FTCD: variants seen among roughly 807,000 people sequenced by gnomAD.
FTCD encodes formimidoyltransferase-cyclodeaminase.
A neutral mutation model predicts 62.9 loss-of-function variants in FTCD; 76 were observed. The observed-to-expected ratio is 1.21, with a 90% CI of 1.00 to 1.46. FTCD has a LOEUF of 1.46. Ranked by LOEUF, FTCD falls within the 40% of genes most tolerant of loss-of-function variation. The pLI, the probability that FTCD is intolerant of heterozygous loss-of-function variation, is 0.00. For missense variants in FTCD, 845 were observed against 751.3 expected, an observed-to-expected ratio of 1.12 and a Z score of -1.46; for synonymous variants, 397 against 336.9, an observed-to-expected ratio of 1.18 and a Z score of -1.95.
rs1408105594 is a variant in FTCD, at chr21:46,145,510, C to T, written c.1167G>A (p.Thr389=). 3.9e-6 allele frequency: 6 copies of T among 1,551,284 alleles called. No individual in the cohort carries two copies. In the East Asian group the frequency reaches 9.8e-5, roughly 25 times the overall value. The change falls in exon 10 of 14, where the codon ACG becomes ACA. Residue 389 remains threonine (T), a synonymous_variant. Transcript: ENST00000397746. ...AGGGCGGGATCAGGCGCCGCATCGTCGTGTCCAGGGACTGGAATTGGCGCC... is the reference window on the plus strand; with the variant it reads ...AGGGCGGGATCAGGCGCCGCATCGTTGTGTCCAGGGACTGGAATTGGCGCC... ...YGRRQFQSLD[T]TMRRLIPPFR... is the part of the protein sequence containing the mutation.
At chr21:46,147,177 G>A (rs1601329950) in intron 7 of FTCD, among the ~76,000 whole-genome samples, 1 of 152,076 alleles carries the variant, frequency 6.6e-6, no homozygotes, top group Non-Finnish European at 1.5e-5. Flanking sequence ...AGTGGGGTCC[G>A]ACTGGAGACC....
At chr21:46,136,580 G>A (rs966726337), downstream of FTCD, 12 of 1,556,550 alleles carry the variant, frequency 7.7e-6, no homozygotes, top group Non-Finnish European at 1.0e-5. Context: ...CAGGTCCTCT[G>A]AATACCTGTG....
At chr21:46,144,841 C>A (rs1379217933) in intron 10 of FTCD, among the ~76,000 whole-genome samples, 1 of 149,748 alleles carries the variant, frequency 6.7e-6, no homozygotes. Flanking sequence ...CTGGCCCCTG[C>A]CCTAGGCTCT....
chr21:46,139,877 C>T (rs757692121), intron 10 of FTCD, among the ~76,000 whole-genome samples: 1 of 152,190 alleles, frequency 6.6e-6, no homozygotes, highest in Non-Finnish European at 1.5e-5. Flanking sequence ...CGAACACTCT[C>T]TCACACCCAG....
chr21:46,138,782 G>C, intron 11 of FTCD, 98 bp downstream of exon 11: 1 of 1,420,746 alleles, frequency 7.0e-7, no homozygotes, highest in Non-Finnish European at 9.9e-7. Flanking sequence ...GCACGCCCAG[G>C]CCAACCACGC....
chr21:46,146,662 T>C (rs2079155117), intron 7 of FTCD: 1 of 446,422 alleles, frequency 2.2e-6, no homozygotes, highest in Admixed American at 3.6e-5. Context: ...CCAGCACCAC[T>C]GCCCCATCGC....
At chr21:46,136,593 C>A, downstream of FTCD, 1 of 1,538,978 alleles carries the variant, frequency 6.5e-7, no homozygotes. Context: ...TACCTGTGAC[C>A]CTGCCCACTG....
downstream of FTCD, chr21:46,136,723 A>G (rs1053465551): frequency 1.8e-5 from 26 of 1,475,936 alleles, no homozygotes; most frequent in Admixed American, 6.2e-4. Context: ...TCCTGCCCCA[A>G]GACCCGCAGC....
At chr21:46,137,210 T>C (rs1351118936) in intron 13 of FTCD, 29 bp downstream of exon 13, 1 of 1,584,056 alleles carries the variant, frequency 6.3e-7, no homozygotes, top group Admixed American at 1.7e-5. Flanking sequence ...CCACGTGGGG[T>C]CCGGGCACCA....
In FTCD at chr21:46,151,928, G is replaced by T. The variant is rs770723978; in HGVS notation, c.420C>A (p.Ala140=). 1 of 1,573,120 alleles carries T rather than the reference G, an allele frequency of 6.4e-7. No homozygotes were observed. The highest frequency in any genetic ancestry group is 1.9e-5 in the Admixed American group (1 of 53,972). Residue 140 remains alanine, a synonymous_variant, in exon 4 of 14, where the codon GCC becomes GCA. Transcript: ENST00000397746. ...ARMDSRRTLP[A]IRAGEYEALP... ...GGGCCTCGTACTCCCCGGCCCGGAT[G>T]GCCGGCAGGGTCCGGCGACTGTCCA... is the stretch of plus-strand genomic sequence containing the variant.
chr21:46,138,523 G>T lies in FTCD; in HGVS notation c.1428C>A (p.Cys476Ter). 6.3e-7 allele frequency: 1 copy of T among 1,585,902 alleles called. No homozygotes were observed. ...QELARCGNLA[C>*]RSDLQVAAKA... ...GCCCCCCTACCTGGAGGTCTGACCG[G>T]CAGGCCAGGTTCCCACACCGGGCCA... Residue 476 changes from cysteine (C) to a stop codon, truncating the protein, a stop_gained, in exon 12 of 14, where the codon TGC becomes TGA. Coordinates refer to ENST00000397746, the MANE Select transcript of FTCD (RefSeq NM_206965.2). LOFTEE classifies it high-confidence loss of function.
Position 46,154,259 on chromosome 21 carries a change from G to A in FTCD, c.128C>T (p.Ser43Phe), listed in dbSNP as rs1430293830. The change falls in exon 2 of 14, where the codon TCC becomes TTC. Residue 43 changes from serine to phenylalanine, a missense_variant. Coordinates refer to ENST00000397746, the MANE Select transcript of FTCD (RefSeq NM_206965.2). Reference sequence around the variant, plus strand: ...GAAGGTGTACACGGTGCGGTTGGTGGAAGGGCCTGCGTCCACATCCAGCAG... The same window carrying A: ...GAAGGTGTACACGGTGCGGTTGGTGAAAGGGCCTGCGTCCACATCCAGCAG... The part of the protein sequence containing the change: ...CVLLDVDAGP[S>F]TNRTVYTFVG... 4.3e-6 allele frequency: 7 copies of A among 1,612,566 alleles called. No individual in the cohort carries two copies. In the African/African-American group the frequency reaches 8.0e-5, roughly 18 times the overall value.
At position 46,154,246 on chromosome 21, in the gene FTCD, G is replaced by C. The variant is rs61735837; in HGVS notation, c.141C>G (p.Thr47=). ...CCGGCGGCCCCACGAAGGTGTACAC[G>C]GTGCGGTTGGTGGAAGGGCCTGCGT... ...DVDAGPSTNR[T]VYTFVGPPEC... Residue 47 remains threonine (T), a synonymous_variant, in exon 2 of 14, where the codon ACC becomes ACG. Transcript: ENST00000397746. 1.9e-6 allele frequency: 3 copies of C among 1,612,732 alleles called. No homozygotes were observed. The highest frequency in any genetic ancestry group is 2.7e-5 in the African/African-American group (2 of 75,052).
intron 10 of FTCD, 79 bp from the exon 11 acceptor site, chr21:46,139,002 G>T: frequency 1.9e-6 from 2 of 1,075,900 alleles, no homozygotes; most frequent in Non-Finnish European, 2.9e-6. Flanking sequence ...ACAAGGGGCT[G>T]TAGCAAGGAG....
In FTCD at chr21:46,151,749, T is replaced by A. The variant is rs755070136; in HGVS notation, c.457-12A>T. On this transcript the variant is annotated splice_polypyrimidine_tract_variant and intron_variant, in intron 4 of 13. Transcript: ENST00000397746. ...TCGGCCTGCTGGAGCTGTGAGCAAG[T>A]TCGCTCTGGGGTGAGACATCCCCCA... The A allele has an allele frequency of 6.2e-7, 1 of 1,612,514 alleles. No homozygotes were observed. The highest frequency in any genetic ancestry group is 1.1e-5 in the South Asian group (1 of 91,064).
intron 10 of FTCD, among the ~76,000 whole-genome samples, chr21:46,141,303 A>ATT (rs56201328): frequency 3.5e-5 from 5 of 142,766 alleles, no homozygotes; most frequent in African/African-American, 1.3e-4. Flanking sequence ...GCCTGGCTTT[A>ATT]TTTTTTTTTT....
chr21:46,153,185 G>T (rs2079342973), intron 2 of FTCD, 150 bp from the exon 3 acceptor site: 2 of 817,280 alleles, frequency 2.4e-6, no homozygotes, highest in Non-Finnish European at 3.7e-6. Context: ...CAGGGAGGAG[G>T]CCGGCCCTGG....
chr21:46,138,772 G>T, intron 11 of FTCD, 108 bp downstream of exon 11: 1 of 1,421,542 alleles, frequency 7.0e-7, no homozygotes, highest in Non-Finnish European at 9.9e-7. Context: ...CAAACACCCA[G>T]CACGCCCAGG....
At chr21:46,152,671 T>A (rs1033359332) in intron 3 of FTCD, 13 of 467,046 alleles carry the variant, frequency 2.8e-5, no homozygotes, top group African/African-American at 1.6e-4. Flanking sequence ...AGGCTCTTGG[T>A]TTGCCTGTGC....
Sources: gnomAD v4.1 joint callset for allele counts (sites outside exome capture counted in the v4.1 genomes callset) on GRCh38, gnomAD v4.1.1 for gene constraint, MANE v1.5 for transcripts, NCBI Gene and HGNC (gene_info 2026-07-23, HGNC 2026-07-21) for gene names.